LRRC37A2: variants seen among roughly 807,000 people sequenced by gnomAD.
LRRC37A2 encodes leucine rich repeat containing 37 member A2.
A neutral mutation model predicts 68.8 loss-of-function variants in LRRC37A2; 9 were observed. The ratio of observed to expected loss-of-function variants is 0.13; its 90% CI spans 0.08 to 0.23. The LOEUF is 0.23. LRRC37A2 is among the 10% of genes least tolerant of loss of function. The probability of loss-of-function intolerance (pLI) is 1.00; values close to 1 mark genes in which losing one functional copy is unlikely to be tolerated. For missense variants in LRRC37A2, 168 were observed against 950.4 expected (o/e 0.18, Z 10.82); for synonymous variants, 63 against 367.6 (o/e 0.17, Z 9.48).
the LRRC37A2 span, among the ~76,000 whole-genome samples, chr17:46,780,805 C>A: frequency 6.6e-6 from 1 of 151,874 alleles, no homozygotes; most frequent in African/African-American, 2.4e-5. Flanking sequence ...ATGGGGACTC[C>A]AACAGACACC....
At chr17:46,714,759 C>A in the LRRC37A2 span, among the ~76,000 whole-genome samples, 2 of 152,110 alleles carry the variant, frequency 1.3e-5, no homozygotes, top group South Asian at 4.1e-4. Flanking sequence ...TTTTTTGTAT[C>A]CAGCTGAAGT....
At chr17:46,824,512 G>C in the LRRC37A2 span, among the ~76,000 whole-genome samples, 1 of 152,228 alleles carries the variant, frequency 6.6e-6, no homozygotes, top group Non-Finnish European at 1.5e-5. Flanking sequence ...GCCTCCCAAA[G>C]TGCTGGGATT....
the LRRC37A2 span, among the ~76,000 whole-genome samples, chr17:47,012,741 G>T: frequency 6.6e-6 from 1 of 152,220 alleles, no homozygotes; most frequent in Admixed American, 6.5e-5. Context: ...TATTGGTGAA[G>T]ATGTAGAGAA....
the LRRC37A2 span, among the ~76,000 whole-genome samples, chr17:46,859,664 T>C: frequency 2.0e-5 from 3 of 152,352 alleles, no homozygotes; most frequent in African/African-American, 7.2e-5. Context: ...CGAAATTGCA[T>C]GGGCTATTCA....
At chr17:46,971,382 C>G in the LRRC37A2 span, among the ~76,000 whole-genome samples, 1 of 152,042 alleles carries the variant, frequency 6.6e-6, no homozygotes, top group Non-Finnish European at 1.5e-5. Flanking sequence ...ATAATAAGGA[C>G]ACACTCCATG....
At chr17:46,472,927 T>C in the LRRC37A2 span, among the ~76,000 whole-genome samples, 1 of 69,140 alleles carries the variant, frequency 1.4e-5, no homozygotes, top group Non-Finnish European at 3.8e-5. Flanking sequence ...AAAAAAAATA[T>C]ATATATATAT....
chr17:46,863,543 G>A, the LRRC37A2 span, among the ~76,000 whole-genome samples: 90 of 152,296 alleles, frequency 5.9e-4, no homozygotes, highest in African/African-American at 2.0e-3. Flanking sequence ...TGGTTAGAGG[G>A]GGATGGGGCT....
chr17:46,597,768 TTTG>T, the LRRC37A2 span, among the ~76,000 whole-genome samples: 1 of 131,062 alleles, frequency 7.6e-6, no homozygotes, highest in Non-Finnish European at 1.5e-5. Flanking sequence ...ATCAAATGTT[TTTG>T]TTGTTGTTGC....
the LRRC37A2 span, among the ~76,000 whole-genome samples, chr17:46,872,311 C>T: frequency 6.6e-6 from 1 of 152,236 alleles, no homozygotes; most frequent in Non-Finnish European, 1.5e-5. Context: ...AGACCGGAAT[C>T]TGGAAAACAG....
the LRRC37A2 span, among the ~76,000 whole-genome samples, chr17:46,834,978 TCTTCTCCTTCTC>T: frequency 1.7e-4 from 26 of 151,866 alleles, no homozygotes; most frequent in African/African-American, 6.3e-4. Flanking sequence ...TCTCTCTTCT[TCTTCTCCTTCTC>T]CTTCTCCTTC....
the LRRC37A2 span, among the ~76,000 whole-genome samples, chr17:46,610,041 CTCTTTCTT>C: frequency 7.6e-5 from 9 of 118,738 alleles, 1 homozygote; most frequent in East Asian, 6.3e-4. Flanking sequence ...CTCTCTCTCT[CTCTTTCTT>C]TCTTTCTTTC....
the LRRC37A2 span, among the ~76,000 whole-genome samples, chr17:46,726,055 A>G: frequency 2.6e-5 from 4 of 152,200 alleles, no homozygotes; most frequent in Non-Finnish European, 5.9e-5. Flanking sequence ...CTGATCCTTC[A>G]TACTCAACCT....
At chr17:46,864,581 C>G in the LRRC37A2 span, among the ~76,000 whole-genome samples, 1 of 152,094 alleles carries the variant, frequency 6.6e-6, no homozygotes, top group Non-Finnish European at 1.5e-5. Context: ...CTTGGGCCAC[C>G]CAGGGGGTCA....
At chr17:46,539,295 C>T (rs1418165866) in intron 6 of LRRC37A2, among the ~76,000 whole-genome samples, 1 of 112,756 alleles carries the variant, frequency 8.9e-6, no homozygotes, top group East Asian at 2.5e-4. Context: ...CAGGTGATTA[C>T]ATGCAATGTA....
the LRRC37A2 span, chr17:47,049,100 A>G: frequency 5.7e-6 from 5 of 875,766 alleles, no homozygotes; most frequent in Admixed American, 3.9e-5. Context: ...TGGCACTCAA[A>G]TGTTTGCTGA....
chr17:46,797,597 T>C, the LRRC37A2 span, among the ~76,000 whole-genome samples: 1 of 152,216 alleles, frequency 6.6e-6, no homozygotes, highest in Admixed American at 6.5e-5. Context: ...CATCATCTTG[T>C]AAAGCTCAAC....
chr17:46,793,843 T>C, the LRRC37A2 span, among the ~76,000 whole-genome samples: 2 of 152,166 alleles, frequency 1.3e-5, no homozygotes, highest in East Asian at 1.9e-4. Context: ...AGTTTACCAA[T>C]GACAGATTGC....
the LRRC37A2 span, among the ~76,000 whole-genome samples, chr17:46,842,532 G>T: frequency 6.6e-6 from 1 of 152,080 alleles, no homozygotes; most frequent in African/African-American, 2.4e-5. Flanking sequence ...ATACCACCAT[G>T]CCCAGCTATT....
chr17:46,853,758 G>A, the LRRC37A2 span, among the ~76,000 whole-genome samples: 6 of 152,018 alleles, frequency 3.9e-5, no homozygotes, highest in African/African-American at 1.5e-4. Flanking sequence ...TGGGACAAAT[G>A]GTACCTATAT....
Sources: gnomAD v4.1 joint callset for allele counts (sites outside exome capture counted in the v4.1 genomes callset) on GRCh38, gnomAD v4.1.1 for gene constraint, MANE v1.5 for transcripts, NCBI Gene and HGNC (gene_info 2026-07-23, HGNC 2026-07-21) for gene names.